ATP8A2: variants seen among roughly 807,000 people sequenced by gnomAD.
ATP8A2 encodes the protein phospholipid-transporting ATPase IB.
A neutral mutation model predicts 165.6 loss-of-function variants in ATP8A2; 100 were observed. The ratio of observed to expected loss-of-function variants is 0.60; its 90% CI spans 0.51 to 0.71. The LOEUF (loss-of-function observed/expected upper bound fraction) is 0.71, where lower values mean the gene tolerates loss of function less well. ATP8A2 is among the 30% of genes least tolerant of loss of function. The pLI, the probability that ATP8A2 is intolerant of heterozygous loss-of-function variation, is 0.00. For missense variants in ATP8A2, 1,227 were observed against 1,479.5 expected (o/e 0.83, Z 2.80); for synonymous variants, 543 against 548.8 (o/e 0.99, Z 0.15).
chr13:25,808,592 C>T (rs1184155510), intron 27 of ATP8A2, among the ~76,000 whole-genome samples: 1 of 150,276 alleles, frequency 6.7e-6, no homozygotes, highest in Non-Finnish European at 1.5e-5. Flanking sequence ...GAGCAAGACT[C>T]CATCTCAAAA....
At chr13:25,861,621 A>G (rs747425840) in intron 32 of ATP8A2, among the ~76,000 whole-genome samples, 1 of 152,182 alleles carries the variant, frequency 6.6e-6, no homozygotes, top group Non-Finnish European at 1.5e-5. Context: ...TCCGGGTCAG[A>G]GGTGATGATG....
At chr13:25,800,226 A>G (rs934747447) in intron 27 of ATP8A2, among the ~76,000 whole-genome samples, 2 of 152,248 alleles carry the variant, frequency 1.3e-5, no homozygotes, top group African/African-American at 2.4e-5. Context: ...TAGAACACTA[A>G]CTGCATATGC....
At chr13:25,387,586 T>C (rs1165446168) in intron 1 of ATP8A2, among the ~76,000 whole-genome samples, 1 of 152,178 alleles carries the variant, frequency 6.6e-6, no homozygotes, top group African/African-American at 2.4e-5. Context: ...ATCAACTTAC[T>C]TCGAGGCGCA....
chr13:26,003,585 C>A (rs901543476), intron 35 of ATP8A2, among the ~76,000 whole-genome samples: 5 of 152,076 alleles, frequency 3.3e-5, no homozygotes, highest in Admixed American at 3.3e-4. Context: ...GAGTTATATT[C>A]AAAAAATTAC....
At chr13:25,464,789 C>T (rs191077794) in intron 1 of ATP8A2, among the ~76,000 whole-genome samples, 116 of 152,312 alleles carry the variant, frequency 7.6e-4, no homozygotes, top group Non-Finnish European at 7.3e-4. Context: ...TAAAAGGCAC[C>T]TACTACATTA....
At chr13:25,569,717 C>T (rs2039412373) in intron 16 of ATP8A2, among the ~76,000 whole-genome samples, 1 of 152,176 alleles carries the variant, frequency 6.6e-6, no homozygotes, top group East Asian at 1.9e-4. Flanking sequence ...AACTGCAATT[C>T]AGAGAACTAG....
At chr13:25,803,058 GTA>G (rs780790556) in intron 27 of ATP8A2, among the ~76,000 whole-genome samples, 5 of 151,428 alleles carry the variant, frequency 3.3e-5, no homozygotes, top group Middle Eastern at 3.4e-3. Context: ...AAATTGCCTT[GTA>G]ATTTTTCCTT....
Position 25,791,073 on chromosome 13 carries a change from G to A in ATP8A2, c.2679+16114G>A, listed in dbSNP as rs1221230365. Among the ~76,000 whole-genome samples, 8 of 152,228 alleles carry A rather than the reference G, an allele frequency of 5.3e-5. No individual in the cohort carries two copies. The East Asian group carries it at 1.2e-3, about 22-fold the overall frequency. Reference sequence around the variant, plus strand: ...GGAATATAAATCATTCTGTTATAAAGACATATGCATGCATATGTTCATTGC... The same window carrying A: ...GGAATATAAATCATTCTGTTATAAAAACATATGCATGCATATGTTCATTGC... On this transcript the variant is annotated intron_variant, in intron 27 of 36. Coordinates refer to ENST00000381655, the MANE Select transcript of ATP8A2 (RefSeq NM_016529.6).
At chr13:25,403,034 T>C (rs539253403) in intron 1 of ATP8A2, among the ~76,000 whole-genome samples, 1 of 152,134 alleles carries the variant, frequency 6.6e-6, no homozygotes, top group Non-Finnish European at 1.5e-5. Context: ...GCACCAGTCC[T>C]CTCCATGAGA....
intron 19 of ATP8A2, 110 bp from the exon 20 acceptor site, chr13:25,576,959 T>C: frequency 2.5e-6 from 2 of 786,978 alleles, no homozygotes. Context: ...AGATAGACCT[T>C]GTTCATTTTT....
At position 25,760,438 on chromosome 13, in the gene ATP8A2, A is replaced by G. The variant is rs189522960; in HGVS notation, c.2385-8608A>G. Among the ~76,000 whole-genome samples, 184 of 152,364 alleles carry G rather than the reference A, an allele frequency of 1.2e-3. 1 individual carries two copies. Among genetic ancestry groups the G allele is most frequent in the African/African-American group, 4.0e-3 (167 of 41,592 alleles). On this transcript the variant is annotated intron_variant, in intron 25 of 36. Transcript: ENST00000381655. Reference sequence around the variant, plus strand: ...AAATCAGAATTTAGACGCCATATAAAGGTATCTTCAGGTAAACAGAATAGC... The same window carrying G: ...AAATCAGAATTTAGACGCCATATAAGGGTATCTTCAGGTAAACAGAATAGC...
intron 6 of ATP8A2, among the ~76,000 whole-genome samples, chr13:25,536,984 C>G (rs1382766486): frequency 6.6e-6 from 1 of 152,224 alleles, no homozygotes; most frequent in African/African-American, 2.4e-5. Context: ...GATCACAAAG[C>G]TAGCACACGG....
At chr13:25,543,533 T>C (rs1264389237) in intron 10 of ATP8A2, 131 bp downstream of exon 10, 4 of 562,808 alleles carry the variant, frequency 7.1e-6, no homozygotes, top group Non-Finnish European at 9.5e-6. Context: ...AAGAACTGCC[T>C]TTATTTTAGT....
chr13:25,436,267 G>T (rs371562529), intron 1 of ATP8A2, among the ~76,000 whole-genome samples: 1 of 152,070 alleles, frequency 6.6e-6, no homozygotes, highest in Admixed American at 6.6e-5. Flanking sequence ...CCCCTACCCC[G>T]TCCCCAATCC....
intron 33 of ATP8A2, among the ~76,000 whole-genome samples, chr13:25,892,504 C>CTCTCTCTCTCTCTCTCTCTCTCTCTCTCT (rs1593514953): frequency 1.3e-5 from 2 of 149,232 alleles, no homozygotes; most frequent in African/African-American, 5.1e-5. Flanking sequence ...CTCTCTCTCT[C>CTCTCTCTCTCTCTCTCTCTCTCTCTCTCT]CTTCCACCTG....
chr13:25,776,432 G>GT (rs2044743346), intron 27 of ATP8A2, among the ~76,000 whole-genome samples: 1 of 152,120 alleles, frequency 6.6e-6, no homozygotes, highest in East Asian at 1.9e-4. Context: ...TATAATTGAC[G>GT]TTTTATTCAG....
At chr13:25,555,871 G>A (rs2038965771) in intron 13 of ATP8A2, among the ~76,000 whole-genome samples, 1 of 152,104 alleles carries the variant, frequency 6.6e-6, no homozygotes, top group Admixed American at 6.5e-5. Flanking sequence ...AGAATATGTG[G>A]TATTTGGCTT....
intron 2 of ATP8A2, among the ~76,000 whole-genome samples, chr13:25,523,117 C>CAA (rs749414873): frequency 1.3e-5 from 1 of 75,914 alleles, no homozygotes. Context: ...GACTCTGTCT[C>CAA]AAAAAAAAAA....
chr13:25,538,090 G>C (rs775179468), intron 7 of ATP8A2, 29 bp downstream of exon 7: 1 of 1,578,256 alleles, frequency 6.3e-7, no homozygotes, highest in Non-Finnish European at 8.7e-7. Flanking sequence ...CACCTTTTTT[G>C]CAATAAATGT....
Sources: allele counts gnomAD v4.1 joint callset (sites outside exome capture counted in the v4.1 genomes callset), GRCh38; gene constraint gnomAD v4.1.1; transcripts MANE v1.5; gene names NCBI Gene and HGNC (gene_info 2026-07-23, HGNC 2026-07-21).